The following WDFY3 variants were observed in gnomAD, a reference collection of about 807,000 sequenced individuals.
WDFY3 encodes the protein WD repeat and FYVE domain-containing protein 3.
In WDFY3, 66 loss-of-function variants were observed where a neutral mutation model predicts 409.6. The ratio of observed to expected loss-of-function variants is 0.16; its 90% confidence interval spans 0.13 to 0.20. WDFY3 has a LOEUF of 0.20. WDFY3 is among the 10% of genes least tolerant of loss of function. The pLI is 1.00. For missense variants in WDFY3, 3,031 were observed against 4,298.1 expected (o/e 0.71, Z 8.24); for synonymous variants, 1,521 against 1,537.1 (o/e 0.99, Z 0.25).
In WDFY3 at chr4:84,696,848, T is replaced by TA. The variant is rs143604772; in HGVS notation, c.8597-26dup. 2,055 of 1,567,070 alleles carry TA rather than the reference T, an allele frequency of 1.3e-3. 13 individuals are homozygous for TA. In the African/African-American group the frequency reaches 0.022, roughly 17 times the overall value. On this transcript the variant is annotated intron_variant, in intron 56 of 67. Coordinates refer to ENST00000295888, the MANE Select transcript of WDFY3 (RefSeq NM_014991.6). ...CCTATGCAATTGGATACATTAAAAATAAAAAAAAAGAAAGAATGGGATAAA... is the reference window on the plus strand; with the variant it reads ...CCTATGCAATTGGATACATTAAAAATAAAAAAAAAAGAAAGAATGGGATAAA...
chr4:84,707,994 A>C (rs1291148599), intron 53 of WDFY3, among the ~76,000 whole-genome samples: 1 of 152,226 alleles, frequency 6.6e-6, no homozygotes, highest in Non-Finnish European at 1.5e-5. Flanking sequence ...TCTAGTGAAT[A>C]AGAACGTTCA....
chr4:84,715,500 C>T (rs944971775), intron 49 of WDFY3, 117 bp from the exon 50 acceptor site: 12 of 586,894 alleles, frequency 2.0e-5, no homozygotes, highest in Admixed American at 5.8e-5. Context: ...TGCGGCCGGG[C>T]GCGGTGGCTC....
intron 54 of WDFY3, among the ~76,000 whole-genome samples, chr4:84,704,659 T>G (rs1012118397): frequency 1.3e-5 from 2 of 152,216 alleles, no homozygotes; most frequent in African/African-American, 2.4e-5. Context: ...CAATGGCCTA[T>G]TCCCACAAAC....
At position 84,715,334 on chromosome 4, in the gene WDFY3, G is replaced by T; in HGVS notation, c.7925C>A (p.Ala2642Asp). Reference sequence around the variant, plus strand: ...TTTGTTTCTGATTCCTTTCTGAAAAGCAAGGAGGTAATTCCGTCCATCTCC... The same window carrying T: ...TTTGTTTCTGATTCCTTTCTGAAAATCAAGGAGGTAATTCCGTCCATCTCC... Reference protein sequence around the residue: ...FSGDGRNYLLAFQKGIRNKVY... With the variant: ...FSGDGRNYLLDFQKGIRNKVY... Residue 2642 changes from alanine to aspartate, a missense_variant, in exon 50 of 68, where the codon GCT becomes GAT. Physicochemically the swap from Ala to Asp is moderately radical, Grantham distance 126 (BLOSUM62 -2). Around this residue, in one of 16 missense-constraint regions of WDFY3, gnomAD observed 45 missense variants for 121.8 expected, o/e 0.37. Transcript: ENST00000295888. 6.2e-7 allele frequency: 1 copy of T among 1,610,706 alleles called. No individual in the cohort carries two copies. Among genetic ancestry groups the T allele is most frequent in the East Asian group, 2.2e-5 (1 of 44,766 alleles).
chr4:84,767,680 AG>A (rs1195436184), intron 30 of WDFY3, among the ~76,000 whole-genome samples: 1 of 152,184 alleles, frequency 6.6e-6, no homozygotes, highest in Non-Finnish European at 1.5e-5. Context: ...TTACTGGTCT[AG>A]ATAGAAGACT....
chr4:84,786,672 C>T (rs1476425697), intron 23 of WDFY3, among the ~76,000 whole-genome samples: 1 of 152,172 alleles, frequency 6.6e-6, no homozygotes, highest in African/African-American at 2.4e-5. Context: ...CCTCAGTTTC[C>T]TCTTCTGTGA....
intron 36 of WDFY3, among the ~76,000 whole-genome samples, chr4:84,749,794 T>C (rs1168791169): frequency 2.0e-5 from 3 of 152,220 alleles, no homozygotes; most frequent in Admixed American, 1.3e-4. Flanking sequence ...ACCCCCTGCT[T>C]TTCCCTGAAC....
intron 2 of WDFY3, among the ~76,000 whole-genome samples, chr4:84,910,805 A>G (rs1054790607): frequency 2.0e-5 from 3 of 152,140 alleles, no homozygotes; most frequent in Non-Finnish European, 4.4e-5. Flanking sequence ...TTCCAGGTTA[A>G]AGCGATTCTC....
At chr4:84,931,835 C>T (rs1770803607) in intron 2 of WDFY3, among the ~76,000 whole-genome samples, 1 of 152,066 alleles carries the variant, frequency 6.6e-6, no homozygotes, top group African/African-American at 2.4e-5. Context: ...ACAGTACTCT[C>T]AAGGGCCTCA....
At chr4:84,839,550 T>A (rs1171112732) in intron 6 of WDFY3, among the ~76,000 whole-genome samples, 1 of 150,720 alleles carries the variant, frequency 6.6e-6, no homozygotes, top group Non-Finnish European at 1.5e-5. Flanking sequence ...TTACACTAAT[T>A]CCCTGAGTTA....
rs748276750 is a variant in WDFY3, at chr4:84,820,101, T to A, written c.1677A>T (p.Gly559=). Residue 559 remains glycine, a synonymous_variant, in exon 12 of 68, where the codon GGA becomes GGT. Coordinates refer to ENST00000295888, the MANE Select transcript of WDFY3 (RefSeq NM_014991.6). ...TTAAATTACCTGCATTTGTGTTTGA[T>A]CCTTGAAGAAGCACTGTCAAGGTCT... ...VMETLTVLLQ[G]SNTNAGIFRE... 12 of 1,602,144 alleles carry A rather than the reference T, an allele frequency of 7.5e-6. No individual in the cohort carries two copies. The highest frequency in any genetic ancestry group is 2.3e-5 in the East Asian group (1 of 44,420).
At chr4:84,709,377 C>G (rs754582345) in intron 51 of WDFY3, 30 bp from the exon 52 acceptor site, 1 of 1,562,480 alleles carries the variant, frequency 6.4e-7, no homozygotes, top group South Asian at 1.2e-5. Context: ...CAATAAATTA[C>G]AAGCAATAAA....
At chr4:84,697,724 C>A (rs904691487) in intron 56 of WDFY3, among the ~76,000 whole-genome samples, 1 of 152,138 alleles carries the variant, frequency 6.6e-6, no homozygotes, top group African/African-American at 2.4e-5. Flanking sequence ...GTAAAAATGA[C>A]TCTACAAACA....
intron 58 of WDFY3, 49 bp from the exon 59 acceptor site, chr4:84,693,081 A>ATGTT: frequency 6.4e-7 from 1 of 1,567,642 alleles, no homozygotes. Flanking sequence ...TAACACTTAT[A>ATGTT]AGCCCTTTTA....
intron 3 of WDFY3, among the ~76,000 whole-genome samples, chr4:84,874,359 G>A (rs1209699912): frequency 6.6e-6 from 1 of 151,958 alleles, no homozygotes; most frequent in Non-Finnish European, 1.5e-5. Context: ...GTTGCAGTGA[G>A]CCGAGATTGT....
In WDFY3 at chr4:84,769,801, A is replaced by C. The variant is rs565868002; in HGVS notation, c.4849+3034T>G. Reference sequence around the variant, plus strand: ...TATGATATTTCAATACATGTGTACCATATGTAATGACCAAATCAGAATAAT... The same window carrying C: ...TATGATATTTCAATACATGTGTACCCTATGTAATGACCAAATCAGAATAAT... On this transcript the variant is annotated intron_variant, in intron 30 of 67. Transcript: ENST00000295888. 3.3e-5 allele frequency among the ~76,000 whole-genome samples: 5 copies of C among 152,268 alleles called. No homozygotes were observed. In the East Asian group the frequency reaches 9.7e-4, roughly 29 times the overall value.
At chr4:84,732,138 A>G (rs1403610806) in intron 44 of WDFY3, among the ~76,000 whole-genome samples, 1 of 152,192 alleles carries the variant, frequency 6.6e-6, no homozygotes, top group Non-Finnish European at 1.5e-5. Flanking sequence ...CAGCTGCATC[A>G]AGTATGGCAT....
chr4:84,909,308 T>G (rs985856354), intron 2 of WDFY3, among the ~76,000 whole-genome samples: 1 of 152,118 alleles, frequency 6.6e-6, no homozygotes, highest in Admixed American at 6.6e-5. Flanking sequence ...TGCCTTTAAT[T>G]TATAACCCAG....
chr4:84,808,323 A>G lies in WDFY3; in HGVS notation c.2429+11T>C, dbSNP rs1417891520. 1.2e-6 allele frequency: 2 copies of G among 1,609,342 alleles called. No homozygotes were observed. Among genetic ancestry groups the G allele is most frequent in the Non-Finnish European group, 1.7e-6 (2 of 1,176,072 alleles). ...ACAAATAGAGACTGACTTCTCTTATATGATCAGTACCTTTTCCTGGACAAA... is the reference window on the plus strand; with the variant it reads ...ACAAATAGAGACTGACTTCTCTTATGTGATCAGTACCTTTTCCTGGACAAA... On this transcript the variant is annotated intron_variant, in intron 15 of 67. Transcript: ENST00000295888.
Sources: allele counts gnomAD v4.1 joint callset (sites outside exome capture counted in the v4.1 genomes callset), GRCh38; gene constraint gnomAD v4.1.1; regional missense constraint gnomAD v4.1.1; transcripts MANE v1.5; gene names NCBI Gene and HGNC (gene_info 2026-07-23, HGNC 2026-07-21).